Variants in WNT7A observed in about 807,000 individuals in gnomAD.
The protein encoded by WNT7A is protein Wnt-7a.
Under a neutral mutation model 28.2 loss-of-function variants are expected in WNT7A, and 16 were observed. The observed-to-expected ratio is 0.57, with a 90% CI of 0.38 to 0.86. The LOEUF (loss-of-function observed/expected upper bound fraction) is 0.86, where lower values mean the gene tolerates loss of function less well. Among genes scored for constraint, WNT7A ranks in the 40% least tolerant of loss-of-function variants. WNT7A has a pLI of 0.00. For synonymous variants in WNT7A, 190 were observed against 195.9 expected (o/e 0.97, Z 0.25); for missense variants, 411 against 489.7 (o/e 0.84, Z 1.52).
chr3:13,836,950 GA>G (rs1163016113), intron 3 of WNT7A, among the ~76,000 whole-genome samples: 1 of 152,186 alleles, frequency 6.6e-6, no homozygotes, highest in East Asian at 1.9e-4. Context: ...GTTGGGACCT[GA>G]AGGGAGGCCT....
chr3:13,819,436 G>A lies in WNT7A; in HGVS notation c.571-13C>T. 6.2e-7 allele frequency: 1 copy of A among 1,610,254 alleles called. No individual in the cohort carries two copies. The highest frequency in any genetic ancestry group is 8.5e-7 in the Non-Finnish European group (1 of 1,179,874). On this transcript the variant is annotated splice_polypyrimidine_tract_variant and intron_variant, in intron 3 of 3. Transcript: ENST00000285018. The stretch of plus-strand genomic sequence containing the variant: ...TCTCCTCCAGGATCTGCAGGGGAGG[G>A]CGGGGAAGAGCACAGCACAGGTCAC...
chr3:13,826,430 A>G (rs1694197656), intron 3 of WNT7A, among the ~76,000 whole-genome samples: 1 of 152,272 alleles, frequency 6.6e-6, no homozygotes, highest in Admixed American at 6.5e-5. Flanking sequence ...GGGAGGGATA[A>G]ATTAGAACTG....
intron 1 of WNT7A, 61 bp from the exon 2 acceptor site, chr3:13,875,234 C>A (rs746822206): frequency 5.7e-6 from 9 of 1,581,820 alleles, no homozygotes; most frequent in Non-Finnish European, 6.9e-6. Flanking sequence ...GGCCTGGGAA[C>A]CCTTCGTAGG....
chr3:13,827,462 C>T (rs560277991), intron 3 of WNT7A, among the ~76,000 whole-genome samples: 1 of 152,286 alleles, frequency 6.6e-6, no homozygotes, highest in Non-Finnish European at 1.5e-5. Context: ...AGGTGCTGCC[C>T]AGAGCCCGGA....
intron 3 of WNT7A, among the ~76,000 whole-genome samples, chr3:13,821,605 G>T (rs1043332477): frequency 2.0e-5 from 3 of 152,238 alleles, no homozygotes. Context: ...AACAGCTCTA[G>T]CAAGCCACAC....
chr3:13,878,041 C>A (rs2124882032), intron 1 of WNT7A, among the ~76,000 whole-genome samples: 1 of 152,310 alleles, frequency 6.6e-6, no homozygotes, highest in Non-Finnish European at 1.5e-5. Context: ...AAGTCACCTG[C>A]AACTCCCACC....
At chr3:13,822,777 T>C (rs1443783499) in intron 3 of WNT7A, among the ~76,000 whole-genome samples, 1 of 152,224 alleles carries the variant, frequency 6.6e-6, no homozygotes, top group Non-Finnish European at 1.5e-5. Context: ...TGGAAGGTTT[T>C]TGTGGGAAAG....
Position 13,875,081 on chromosome 3 carries a change from C to T in WNT7A, c.164G>A (p.Arg55Gln), listed in dbSNP as rs139562589. 65 of 1,614,228 alleles carry T rather than the reference C, an allele frequency of 4.0e-5. No homozygotes were observed. The highest frequency in any genetic ancestry group is 5.0e-5 in the Admixed American group (3 of 60,030). Residue 55 changes from arginine (R) to glutamine (Q), a missense_variant, in exon 2 of 4, where the codon CGG (arginine) becomes CAG (glutamine). Arg to Gln is a conservative substitution (Grantham distance 43). Transcript: ENST00000285018. Reference sequence around the variant, plus strand: ...TCCTATGACGATGATGGCGTCGGGCCGGCTCTGGCAGATCGCCCGCTGTCT... The same window carrying T: ...TCCTATGACGATGATGGCGTCGGGCTGGCTCTGGCAGATCGCCCGCTGTCT... ...APRQRAICQSRPDAIIVIGEG... is the reference protein window; with the variant it reads ...APRQRAICQSQPDAIIVIGEG...
At chr3:13,851,768 C>T (rs1490551500) in intron 3 of WNT7A, among the ~76,000 whole-genome samples, 2 of 152,224 alleles carry the variant, frequency 1.3e-5, no homozygotes, top group East Asian at 3.8e-4. Context: ...TGACTCTTCC[C>T]TTCCTCCCAA....
At chr3:13,863,565 G>A (rs1335719576) in intron 2 of WNT7A, 2 of 152,042 alleles carry the variant, frequency 1.3e-5, no homozygotes, top group Non-Finnish European at 2.9e-5. Context: ...TGTCAGGAGA[G>A]CTAAAACCCA....
chr3:13,836,533 A>G (rs994135731), intron 3 of WNT7A, among the ~76,000 whole-genome samples: 14 of 152,138 alleles, frequency 9.2e-5, no homozygotes. Flanking sequence ...AGGGGTGGAG[A>G]GCCCTGGTCA....
chr3:13,833,584 TG>T (rs1299042272), intron 3 of WNT7A, among the ~76,000 whole-genome samples: 1 of 152,230 alleles, frequency 6.6e-6, no homozygotes, highest in Non-Finnish European at 1.5e-5. Flanking sequence ...AGATGCATTC[TG>T]GGTGCCTCTC....
intron 2 of WNT7A, among the ~76,000 whole-genome samples, chr3:13,856,445 G>A (rs1369165800): frequency 6.6e-6 from 1 of 152,208 alleles, no homozygotes; most frequent in African/African-American, 2.4e-5. Context: ...CTCAACTTTG[G>A]GGGTCGGGAA....
chr3:13,859,073 C>T (rs1445880772), intron 2 of WNT7A, among the ~76,000 whole-genome samples: 1 of 152,194 alleles, frequency 6.6e-6, no homozygotes, highest in East Asian at 1.9e-4. Context: ...GCCTGGCATG[C>T]CGTGAGTGCT....
intron 2 of WNT7A, 55 bp from the exon 3 acceptor site, chr3:13,854,858 AGG>A: frequency 6.2e-7 from 1 of 1,605,590 alleles, no homozygotes. Flanking sequence ...AGCATCTGAG[AGG>A]AGGCTGGGCC....
chr3:13,843,679 G>A (rs1215202989), intron 3 of WNT7A, among the ~76,000 whole-genome samples: 1 of 145,104 alleles, frequency 6.9e-6, no homozygotes, highest in East Asian at 2.0e-4. Flanking sequence ...ACTTGGCCAG[G>A]AAAAGATGTT....
chr3:13,863,655 G>A (rs1268834293), intron 2 of WNT7A: 2 of 152,170 alleles, frequency 1.3e-5, no homozygotes, highest in African/African-American at 4.8e-5. Flanking sequence ...CAAGAATAAG[G>A]AAAGAATAGG....
chr3:13,871,440 C>T (rs1695024490), intron 2 of WNT7A, among the ~76,000 whole-genome samples: 1 of 152,244 alleles, frequency 6.6e-6, no homozygotes, highest in Non-Finnish European at 1.5e-5. Flanking sequence ...TCTCAGGGCT[C>T]TCATCTTGAC....
rs1328922393 is a variant in WNT7A, at chr3:13,818,345, A to G, written c.*599T>C. The G allele has an allele frequency of 2.2e-5, 3 of 136,800 alleles. No homozygotes were observed. The highest frequency in any genetic ancestry group is 4.6e-5 in the Non-Finnish European group (3 of 64,564). The allele number at this position is 136,800 out of a possible 1,614,324, so 8.5% of individuals were successfully genotyped here. Reference sequence around the variant, plus strand: ...CTTAAATTTCTGGATAAGTAGCAGCAAACAGCAAAAAAAAAAAAAAAAATG... The same window carrying G: ...CTTAAATTTCTGGATAAGTAGCAGCGAACAGCAAAAAAAAAAAAAAAAATG... On this transcript the variant is annotated 3_prime_UTR_variant, in exon 4 of 4. Coordinates refer to ENST00000285018, the MANE Select transcript of WNT7A (RefSeq NM_004625.4).
Sources: allele counts gnomAD v4.1 joint callset (sites outside exome capture counted in the v4.1 genomes callset), GRCh38; gene constraint gnomAD v4.1.1; transcripts MANE v1.5; gene names NCBI Gene and HGNC (gene_info 2026-07-23, HGNC 2026-07-21).